The following SPIDR variants were observed in gnomAD, a reference collection of about 807,000 sequenced individuals.
SPIDR encodes the protein scaffold protein involved in DNA repair.
In SPIDR, 93 loss-of-function variants were observed where a neutral mutation model predicts 104.6. The observed-to-expected ratio is 0.89, with a 90% CI of 0.75 to 1.06. SPIDR has a LOEUF of 1.06. Among genes scored for constraint, SPIDR ranks in the 50% least tolerant of loss-of-function variants. SPIDR has a pLI of 0.00. For missense variants in SPIDR, 1,154 were observed against 1,111.2 expected (o/e 1.04, Z -0.55); for synonymous variants, 431 against 416.9 (o/e 1.03, Z -0.41).
At chr8:47,439,707 T>A (rs2154343105) in intron 7 of SPIDR, among the ~76,000 whole-genome samples, 1 of 152,330 alleles carries the variant, frequency 6.6e-6, no homozygotes, top group Non-Finnish European at 1.5e-5. Context: ...GATCTCCATT[T>A]TACACATAAG....
intron 7 of SPIDR, among the ~76,000 whole-genome samples, chr8:47,410,913 G>A (rs1190386671): frequency 3.9e-5 from 6 of 152,074 alleles, no homozygotes; most frequent in South Asian, 2.1e-4. Context: ...CGTGGTGTTC[G>A]GTTTTTTGTC....
intron 6 of SPIDR, among the ~76,000 whole-genome samples, chr8:47,402,257 G>T (rs1181339045): frequency 6.6e-6 from 1 of 152,150 alleles, no homozygotes; most frequent in Non-Finnish European, 1.5e-5. Flanking sequence ...AAGCAGGAAA[G>T]ATCTAAAATT....
At chr8:47,312,794 C>T (rs1168455368) in intron 5 of SPIDR, among the ~76,000 whole-genome samples, 3 of 152,114 alleles carry the variant, frequency 2.0e-5, no homozygotes, top group East Asian at 1.9e-4. Flanking sequence ...GAAGTCCTTC[C>T]CCATGCCTAT....
intron 8 of SPIDR, among the ~76,000 whole-genome samples, chr8:47,454,076 T>A (rs2072454595): frequency 6.6e-6 from 1 of 152,176 alleles, no homozygotes; most frequent in African/African-American, 2.4e-5. Flanking sequence ...CAGCAATTCC[T>A]CAAGGATCTA....
chr8:47,664,829 G>C (rs140203664), intron 10 of SPIDR, among the ~76,000 whole-genome samples: 9 of 150,908 alleles, frequency 6.0e-5, no homozygotes, highest in African/African-American at 1.7e-4. Flanking sequence ...CTGGGAGATC[G>C]AGGCTGCAGT....
intron 1 of SPIDR, among the ~76,000 whole-genome samples, chr8:47,267,393 G>C (rs544801699): frequency 2.1e-4 from 32 of 152,208 alleles, no homozygotes; most frequent in African/African-American, 7.2e-4. Flanking sequence ...TGGAATTTTT[G>C]GGTCACATAA....
chr8:47,349,749 G>A lies in SPIDR; in HGVS notation c.526-46627G>A, dbSNP rs537630347. ...GACTGCTGTGCTACCAGTGAGCAAG[G>A]GTCCGTGGGCGTGGGACCCACTGAG... On this transcript the variant is annotated intron_variant, in intron 5 of 19. Transcript: ENST00000297423. Among the ~76,000 whole-genome samples the A allele has an allele frequency of 3.3e-5, 5 of 152,348 alleles. No homozygotes were observed. The South Asian group carries it at 1.0e-3, about 32-fold the overall frequency.
chr8:47,685,885 G>A (rs941007889), intron 11 of SPIDR, among the ~76,000 whole-genome samples: 2 of 149,750 alleles, frequency 1.3e-5, no homozygotes, highest in African/African-American at 4.9e-5. Context: ...GTTCAGGCAC[G>A]ATGGCTCATA....
intron 8 of SPIDR, among the ~76,000 whole-genome samples, chr8:47,471,960 G>T (rs2075769873): frequency 6.6e-6 from 1 of 152,174 alleles, no homozygotes; most frequent in African/African-American, 2.4e-5. Context: ...CAAAATTCCA[G>T]TTATGCCCCA....
In SPIDR at chr8:47,500,817, A is replaced by G. The variant is rs559467109; in HGVS notation, c.1097+60275A>G. Among the ~76,000 whole-genome samples, 21 of 152,096 alleles carry G rather than the reference A, an allele frequency of 1.4e-4. No individual in the cohort carries two copies. The South Asian group carries it at 2.7e-3, about 20-fold the overall frequency. Reference sequence around the variant, plus strand: ...TTTAATCCATCTTGAATTAATTTTTATATAAGGTGTAAGGAAGGGATCCAG... The same window carrying G: ...TTTAATCCATCTTGAATTAATTTTTGTATAAGGTGTAAGGAAGGGATCCAG... On this transcript the variant is annotated intron_variant, in intron 8 of 19. Coordinates refer to ENST00000297423, the MANE Select transcript of SPIDR (RefSeq NM_001080394.4).
rs189052597 is a variant in SPIDR at position 47,672,106 on chromosome 8, C to T, written c.1545-1695C>T. On this transcript the variant is annotated intron_variant, in intron 10 of 19. Transcript: ENST00000297423. ...TGAAGTAGTTGGGACTATGGGCGTT[C>T]GCCATCATACCCAGCTAAATTTTTT... 7.2e-5 allele frequency among the ~76,000 whole-genome samples: 11 copies of T among 152,182 alleles called. No homozygotes were observed. The East Asian group carries it at 1.2e-3, about 16-fold the overall frequency.
intron 8 of SPIDR, among the ~76,000 whole-genome samples, chr8:47,549,438 C>T (rs1002269164): frequency 6.6e-6 from 1 of 152,174 alleles, no homozygotes; most frequent in African/African-American, 2.4e-5. Context: ...CCTGTTGTTT[C>T]CTGACTTTTT....
chr8:47,531,746 A>G (rs2086036430), intron 8 of SPIDR, among the ~76,000 whole-genome samples: 1 of 152,236 alleles, frequency 6.6e-6, no homozygotes. Flanking sequence ...TCTCAGGACA[A>G]CATTACTAGG....
At chr8:47,576,296 C>T (rs1564377291) in intron 8 of SPIDR, among the ~76,000 whole-genome samples, 4 of 152,194 alleles carry the variant, frequency 2.6e-5, no homozygotes, top group Admixed American at 2.0e-4. Context: ...GGATTACAGG[C>T]ACATGCCACC....
chr8:47,577,559 T>C (rs1009428804), intron 8 of SPIDR, among the ~76,000 whole-genome samples: 3 of 152,204 alleles, frequency 2.0e-5, no homozygotes, highest in African/African-American at 7.2e-5. Context: ...CACAACCAAA[T>C]GCAGATCAAA....
rs933223593 is a variant in SPIDR at position 47,417,973 on chromosome 8, A to G, written c.877+10012A>G. On this transcript the variant is annotated intron_variant, in intron 7 of 19. Transcript: ENST00000297423. ...ATTTCCGAGGGCTCTGTTTTGTTCC[A>G]TTGGTCTATGTCTCTGTTTTGGCAC... Among the ~76,000 whole-genome samples the G allele has an allele frequency of 2.6e-5, 4 of 152,116 alleles. No individual in the cohort carries two copies. In the South Asian group the frequency reaches 8.3e-4, roughly 32 times the overall value.
chr8:47,363,836 T>C lies in SPIDR; in HGVS notation c.526-32540T>C, dbSNP rs540366544. Among the ~76,000 whole-genome samples the C allele has an allele frequency of 1.1e-4, 16 of 151,610 alleles. No homozygotes were observed. The South Asian group carries it at 3.1e-3, about 30-fold the overall frequency. Reference sequence around the variant, plus strand: ...TGGTATCTAGGTGGTTTTTCTGTTCTGTAGGTTTTTTTTTTTTTTCTCTCT... The same window carrying C: ...TGGTATCTAGGTGGTTTTTCTGTTCCGTAGGTTTTTTTTTTTTTTCTCTCT... On this transcript the variant is annotated intron_variant, in intron 5 of 19. Coordinates refer to ENST00000297423, the MANE Select transcript of SPIDR (RefSeq NM_001080394.4).
At chr8:47,719,517 A>G (rs1001174680) in intron 16 of SPIDR, among the ~76,000 whole-genome samples, 1 of 152,120 alleles carries the variant, frequency 6.6e-6, no homozygotes, top group Non-Finnish European at 1.5e-5. Flanking sequence ...TCAAAAAAAA[A>G]AAATAGAAAG....
chr8:47,510,009 T>C (rs1327165983), intron 8 of SPIDR, among the ~76,000 whole-genome samples: 1 of 152,210 alleles, frequency 6.6e-6, no homozygotes, highest in Non-Finnish European at 1.5e-5. Flanking sequence ...ATGTCAAATG[T>C]TGATGCTCCT....
Sources: allele counts gnomAD v4.1 joint callset (sites outside exome capture counted in the v4.1 genomes callset), GRCh38; gene constraint gnomAD v4.1.1; transcripts MANE v1.5; gene names NCBI Gene and HGNC (gene_info 2026-07-23, HGNC 2026-07-21).